The following FHAD1 variants were observed in gnomAD, a reference collection of about 807,000 sequenced individuals.
The protein encoded by FHAD1 is forkhead-associated domain-containing protein 1.
In FHAD1, 146 loss-of-function variants were observed where a neutral mutation model predicts 191.3. That is an observed-to-expected ratio of 0.76 (90% CI 0.67 to 0.88). The LOEUF (loss-of-function observed/expected upper bound fraction) is 0.88. FHAD1 is among the 40% of genes least tolerant of loss of function. The pLI, the probability that FHAD1 is intolerant of heterozygous loss-of-function variation, is 0.00. For synonymous variants in FHAD1, 616 were observed against 672.3 expected, an observed-to-expected ratio of 0.92 and a Z score of 1.29; for missense variants, 1,635 against 1,785.8, an observed-to-expected ratio of 0.92 and a Z score of 1.52.
intron 33 of FHAD1, among the ~76,000 whole-genome samples, chr1:15,394,791 C>T (rs1447712250): frequency 2.0e-5 from 3 of 152,188 alleles, no homozygotes; most frequent in East Asian, 1.9e-4. Flanking sequence ...CCACCCAGCC[C>T]TCTTGCCCCA....
Position 15,329,447 on chromosome 1 carries a change from G to A in FHAD1, c.1812G>A (p.Val604=), listed in dbSNP as rs912242666. The A allele has an allele frequency of 1.9e-6, 3 of 1,551,300 alleles. No homozygotes were observed. The highest frequency in any genetic ancestry group is 2.6e-6 in the Non-Finnish European group (3 of 1,146,978). The change falls in exon 14 of 34, where the codon GTG becomes GTA. Residue 604 remains valine, a synonymous_variant. Coordinates refer to ENST00000688493, the MANE Select transcript of FHAD1 (RefSeq NM_001391957.1). This position sits in a 1 kb window ranked among gnomAD's most constrained non-coding sequence, Gnocchi z 5.0. ...CACCTGTCTCGGGGCTCCAGAAGGT[G>A]GTGCTGGACGTCCTGAGGCACGCGC... The part of the protein sequence containing the change: ...VSPPVSGLQK[V]VLDVLRHALS...
At chr1:15,257,442 C>T (rs1648756128) in intron 2 of FHAD1, among the ~76,000 whole-genome samples, 1 of 152,242 alleles carries the variant, frequency 6.6e-6, no homozygotes. Context: ...TCACCCCTCC[C>T]CGGTCCTGTG....
At position 15,374,565 on chromosome 1, in the gene FHAD1, C is replaced by T. The variant is rs368016869; in HGVS notation, c.3511C>T (p.Arg1171Cys). The change falls in exon 27 of 34, where the codon CGT (arginine) becomes TGT (cysteine). Residue 1171 changes from arginine (R) to cysteine (C), a missense_variant. Transcript: ENST00000688493. Reference protein sequence around the residue: ...KGSRHEEVIQRQKKALSELRA... With the variant: ...KGSRHEEVIQCQKKALSELRA... ...GTCCCGGCACGAGGAGGTCATTCAG[C>T]GTCAGAAAAAGGCCTTATCTGAACT... 77 of 1,551,540 alleles carry T rather than the reference C, an allele frequency of 5.0e-5. No homozygotes were observed. The highest frequency in any genetic ancestry group is 1.7e-4 in the Middle Eastern group (1 of 6,014).
intron 33 of FHAD1, among the ~76,000 whole-genome samples, chr1:15,396,272 G>A (rs1178507289): frequency 6.6e-6 from 1 of 151,838 alleles, no homozygotes; most frequent in East Asian, 1.9e-4. Context: ...CAGTGAGCGG[G>A]GATTGCTCCA....
rs775985962 is a variant in FHAD1, at chr1:15,367,518, G to A, written c.3210G>A (p.Gln1070=). 55 of 1,551,200 alleles carry A rather than the reference G, an allele frequency of 3.5e-5. No homozygotes were observed. Among genetic ancestry groups the A allele is most frequent in the Non-Finnish European group, 4.6e-5 (53 of 1,146,922 alleles). Residue 1070 remains glutamine (Q), a synonymous_variant, in exon 25 of 34, where the codon CAG becomes CAA. Transcript: ENST00000688493. ...TGGAGCAGAACGTGGTGCTGGTCCA[G>A]CAGCAGAGCAAGGAGCTGAGTGTGC... ...MELEQNVVLV[Q]QQSKELSVLK...
rs764165573 is a variant in FHAD1 at position 15,345,503 on chromosome 1, C to T, written c.2326C>T (p.Arg776Cys). 19 of 1,551,820 alleles carry T rather than the reference C, an allele frequency of 1.2e-5. 1 individual carries two copies. Among genetic ancestry groups the T allele is most frequent in the Admixed American group, 9.8e-5 (5 of 50,982 alleles). Residue 776 changes from arginine (R) to cysteine (C), a missense_variant, in exon 18 of 34, where the codon CGC (arginine) becomes TGC (cysteine). By Grantham distance (180) the Arg-to-Cys change is radical. Transcript: ENST00000688493. ...GACAAGAGTCCAAGAGCTGGAGGAA[C>T]GCTTGGCCCGCCAGAAGGAGGTACG... is the stretch of plus-strand genomic sequence containing the variant. ...EQTRVQELEERLARQKEVLES... is the reference protein window; with the variant it reads ...EQTRVQELEECLARQKEVLES...
chr1:15,381,513 C>T lies in FHAD1; in HGVS notation c.4022+62C>T, dbSNP rs2102991356. ...GGGCCTCCCTTCTCCTGGCTAAACT[C>T]AGGCTAGCAGCAGACCTCTAGGCCT... On this transcript the variant is annotated intron_variant, in intron 30 of 33. Coordinates refer to ENST00000688493, the MANE Select transcript of FHAD1 (RefSeq NM_001391957.1). This position sits in a 1 kb window ranked among gnomAD's most constrained non-coding sequence, Gnocchi z 4.6. The T allele has an allele frequency of 8.4e-6, 11 of 1,309,640 alleles. No homozygotes were observed. The highest frequency in any genetic ancestry group is 2.6e-5 in the South Asian group (2 of 77,632). 81.1% of individuals were successfully genotyped at this position (1,309,640 alleles called of 1,614,324 possible). A position where few individuals can be genotyped will look rare whatever the true frequency, so the allele number is the denominator to read the frequency against.
At chr1:15,390,604 C>T (rs1703756017) in intron 32 of FHAD1, among the ~76,000 whole-genome samples, 1 of 152,136 alleles carries the variant, frequency 6.6e-6, no homozygotes, top group Non-Finnish European at 1.5e-5. Flanking sequence ...GCCCAGCTCC[C>T]TCCCTCCCTG....
intron 18 of FHAD1, among the ~76,000 whole-genome samples, chr1:15,347,727 G>T (rs761334249): frequency 6.6e-6 from 1 of 152,236 alleles, no homozygotes; most frequent in Non-Finnish European, 1.5e-5. Flanking sequence ...GGGATTACAG[G>T]CGTGAGCCAC....
At chr1:15,260,831 T>C (rs1224618283) in intron 2 of FHAD1, among the ~76,000 whole-genome samples, 1 of 152,276 alleles carries the variant, frequency 6.6e-6, no homozygotes, top group African/African-American at 2.4e-5. Context: ...ATAATCCAGG[T>C]TAACCTCCCT....
chr1:15,252,001 C>G, intron 2 of FHAD1, 124 bp downstream of exon 2: 1 of 806,962 alleles, frequency 1.2e-6, no homozygotes, highest in East Asian at 2.7e-5. Flanking sequence ...GCAGCCATAC[C>G]TTTCCTTGGT....
intron 1 of FHAD1, among the ~76,000 whole-genome samples, chr1:15,239,753 C>G (rs1303769458): frequency 6.6e-6 from 1 of 152,198 alleles, no homozygotes; most frequent in Non-Finnish European, 1.5e-5. Flanking sequence ...AACTCCTGGT[C>G]AAACTCCTTC....
At chr1:15,256,612 A>G (rs1334126509) in intron 2 of FHAD1, among the ~76,000 whole-genome samples, 2 of 135,300 alleles carry the variant, frequency 1.5e-5, no homozygotes, top group Admixed American at 8.6e-5. Flanking sequence ...GTGCCACTGC[A>G]CTCCAGCCTG....
intron 31 of FHAD1, 141 bp from the exon 32 acceptor site, chr1:15,387,910 G>A (rs967252232): frequency 1.8e-5 from 7 of 386,966 alleles, no homozygotes; most frequent in African/African-American, 6.3e-5. Flanking sequence ...AGACTCTCCC[G>A]CAGTGATCCC....
chr1:15,285,219 C>G (rs1302044677), intron 3 of FHAD1, among the ~76,000 whole-genome samples: 1 of 152,154 alleles, frequency 6.6e-6, no homozygotes, highest in Non-Finnish European at 1.5e-5. Flanking sequence ...TAAAGCCACC[C>G]TAAATCAACA....
At chr1:15,323,645 G>A (rs2101669491) in intron 10 of FHAD1, among the ~76,000 whole-genome samples, 1 of 152,274 alleles carries the variant, frequency 6.6e-6, no homozygotes, top group African/African-American at 2.4e-5. Flanking sequence ...AAGTGCCTGA[G>A]CCCTGGCTCA....
At chr1:15,402,423 G>A (rs555244577), downstream of FHAD1, among the ~76,000 whole-genome samples, 4 of 152,296 alleles carry the variant, frequency 2.6e-5, no homozygotes, top group Admixed American at 6.5e-5. Context: ...CCATGTTGGT[G>A]TGCTGCACCC....
chr1:15,397,808 G>T lies in FHAD1; in HGVS notation c.*395G>T, dbSNP rs1172962073. 6.5e-6 allele frequency: 1 copy of T among 153,402 alleles called. No individual in the cohort carries two copies. The highest frequency in any genetic ancestry group is 1.5e-5 in the Non-Finnish European group (1 of 68,926). 9.5% of individuals were successfully genotyped at this position (153,402 alleles called of 1,614,324 possible). Reference sequence around the variant, plus strand: ...GCCTCAGGGCAGAATTGTAACCTTGGAGCTCTCAGGGCCTTGGGATAGTGA... The same window carrying T: ...GCCTCAGGGCAGAATTGTAACCTTGTAGCTCTCAGGGCCTTGGGATAGTGA... On this transcript the variant is annotated 3_prime_UTR_variant, in exon 34 of 34. Coordinates refer to ENST00000688493, the MANE Select transcript of FHAD1 (RefSeq NM_001391957.1).
chr1:15,378,747 T>C (rs1353199638), intron 28 of FHAD1, among the ~76,000 whole-genome samples: 1 of 152,070 alleles, frequency 6.6e-6, no homozygotes, highest in African/African-American at 2.4e-5. Flanking sequence ...TGTGAATGGG[T>C]TTTTTGTTTT....
Sources: gnomAD v4.1 joint callset for allele counts (sites outside exome capture counted in the v4.1 genomes callset) on GRCh38, gnomAD v4.1.1 for gene constraint, Gnocchi (gnomAD v3.1) non-coding constraint, MANE v1.5 for transcripts, NCBI Gene and HGNC (gene_info 2026-07-23, HGNC 2026-07-21) for gene names.